Variants in PTPRD observed in about 807,000 individuals in gnomAD.
The protein encoded by PTPRD is receptor-type tyrosine-protein phosphatase delta.
A neutral mutation model predicts 214.5 loss-of-function variants in PTPRD; 34 were observed. The ratio of observed to expected loss-of-function variants is 0.16; its 90% CI spans 0.12 to 0.21. The LOEUF (loss-of-function observed/expected upper bound fraction) is 0.21, where lower values mean the gene tolerates loss of function less well. Among genes scored for constraint, PTPRD ranks in the 10% least tolerant of loss-of-function variants. The pLI, the probability that PTPRD is intolerant of heterozygous loss-of-function variation, is 1.00. For missense variants in PTPRD, 2,545 were observed against 2,398.7 expected (o/e 1.06, Z -1.27); for synonymous variants, 1,128 against 845.7 (o/e 1.33, Z -5.79).
At chr9:9,789,008 A>G (rs540084298) in intron 5 of PTPRD, among the ~76,000 whole-genome samples, 3 of 152,270 alleles carry the variant, frequency 2.0e-5, no homozygotes, top group South Asian at 2.1e-4. Flanking sequence ...GTTTATGTCT[A>G]TATTTCATCA....
At chr9:9,478,378 A>C (rs1384900497) in intron 8 of PTPRD, among the ~76,000 whole-genome samples, 1 of 152,238 alleles carries the variant, frequency 6.6e-6, no homozygotes, top group Non-Finnish European at 1.5e-5. Context: ...ATAGCTGAAT[A>C]ACAATAGTAA....
chr9:8,465,554 T>C lies in PTPRD; in HGVS notation c.3626A>G (p.Lys1209Arg). 2 of 1,612,652 alleles carry C rather than the reference T, an allele frequency of 1.2e-6. No homozygotes were observed. The highest frequency in any genetic ancestry group is 1.1e-5 in the South Asian group (1 of 91,036). ...LPTEFTLGDD[K>R]HYGGFTNKQL... ...CTTGTTTGTAAATCCACCATAATGCTTGTCATCCCCCAGGGTGAACTCAGT... is the reference window on the plus strand; with the variant it reads ...CTTGTTTGTAAATCCACCATAATGCCTGTCATCCCCCAGGGTGAACTCAGT... The change falls in exon 32 of 46, where the codon AAG (lysine) becomes AGG (arginine). Residue 1209 changes from lysine (K) to arginine (R), a missense_variant. Lys to Arg is a conservative substitution (Grantham distance 26). Coordinates refer to ENST00000381196, the MANE Select transcript of PTPRD (RefSeq NM_002839.4).
At chr9:8,997,654 G>T (rs376667399) in intron 11 of PTPRD, among the ~76,000 whole-genome samples, 3 of 152,030 alleles carry the variant, frequency 2.0e-5, no homozygotes, top group African/African-American at 7.2e-5. Flanking sequence ...GCCTCAAAGT[G>T]TTCAAGTGAA....
chr9:8,430,812 C>T (rs2094996250), intron 35 of PTPRD, among the ~76,000 whole-genome samples: 1 of 152,046 alleles, frequency 6.6e-6, no homozygotes, highest in South Asian at 2.1e-4. Context: ...CTAAGAGTGC[C>T]ATCTTCTCTT....
At chr9:9,048,140 G>T (rs1174137499) in intron 10 of PTPRD, among the ~76,000 whole-genome samples, 1 of 152,094 alleles carries the variant, frequency 6.6e-6, no homozygotes, top group Admixed American at 6.6e-5. Context: ...ATATCCAAAA[G>T]ACAGGCAATA....
At chr9:9,069,321 G>A (rs1430764611) in intron 10 of PTPRD, among the ~76,000 whole-genome samples, 4 of 152,112 alleles carry the variant, frequency 2.6e-5, no homozygotes, top group African/African-American at 9.7e-5. Flanking sequence ...GTATAAAGAA[G>A]AAAATAAAAT....
intron 5 of PTPRD, among the ~76,000 whole-genome samples, chr9:9,818,839 C>T (rs1025529199): frequency 7.0e-6 from 1 of 142,642 alleles, no homozygotes; most frequent in African/African-American, 2.7e-5. Flanking sequence ...TTGCTTGAAA[C>T]TGGGAGGTAG....
intron 12 of PTPRD, among the ~76,000 whole-genome samples, chr9:8,651,577 G>T (rs2096809962): frequency 1.3e-5 from 2 of 152,140 alleles, no homozygotes; most frequent in South Asian, 4.1e-4. Context: ...TTCCTTCCCA[G>T]CTACATCTCT....
At chr9:9,493,731 T>C (rs1198018296) in intron 8 of PTPRD, among the ~76,000 whole-genome samples, 1 of 131,542 alleles carries the variant, frequency 7.6e-6, no homozygotes, top group African/African-American at 3.0e-5. Context: ...GAGCTTGCAG[T>C]GAGCCGAGAT....
Position 8,319,860 on chromosome 9 carries a change from T to C in PTPRD, c.5641A>G (p.Thr1881Ala), listed in dbSNP as rs2130703602. The C allele has an allele frequency of 6.2e-7, 1 of 1,613,102 alleles. No individual in the cohort carries two copies. Among genetic ancestry groups the C allele is most frequent in the Non-Finnish European group, 8.5e-7 (1 of 1,179,414 alleles). ...GTCTGTACCATAGCTGGTCGTTGTGTTCTTAACATTTTGACAGTCTGGAAG... is the reference window on the plus strand; with the variant it reads ...GTCTGTACCATAGCTGGTCGTTGTGCTCTTAACATTTTGACAGTCTGGAAG... The part of the protein sequence containing the change: ...DIFQTVKMLR[T>A]QRPAMVQTED... The change falls in exon 45 of 46, where the codon ACA (threonine) becomes GCA (alanine). Residue 1881 changes from threonine to alanine, a missense_variant. By Grantham distance (58) the Thr-to-Ala change is moderately conservative. Transcript: ENST00000381196.
chr9:9,390,210 G>A (rs2065320357), intron 9 of PTPRD, among the ~76,000 whole-genome samples: 2 of 152,092 alleles, frequency 1.3e-5, no homozygotes, highest in African/African-American at 4.8e-5. Flanking sequence ...GAAGATGGAG[G>A]TGGGAAACCA....
chr9:10,442,790 T>C (rs570150919), intron 2 of PTPRD, among the ~76,000 whole-genome samples: 11 of 151,570 alleles, frequency 7.3e-5, no homozygotes, highest in Non-Finnish European at 4.4e-5. Flanking sequence ...TTAAAACTGG[T>C]AGTATTATGG....
chr9:8,399,339 A>T (rs896064201), intron 36 of PTPRD, among the ~76,000 whole-genome samples: 14 of 152,248 alleles, frequency 9.2e-5, no homozygotes, highest in African/African-American at 3.4e-4. Context: ...AACTTTCTGA[A>T]ATTAGTGTAC....
At chr9:9,264,971 A>G (rs1938521007) in intron 9 of PTPRD, among the ~76,000 whole-genome samples, 1 of 151,534 alleles carries the variant, frequency 6.6e-6, no homozygotes, top group East Asian at 2.0e-4. Flanking sequence ...GAAAAGATAG[A>G]GTTTCACAGA....
intron 2 of PTPRD, among the ~76,000 whole-genome samples, chr9:10,531,665 A>G (rs536530534): frequency 5.1e-4 from 78 of 152,280 alleles, no homozygotes; most frequent in South Asian, 2.3e-3. Flanking sequence ...GGCTGGCTTT[A>G]AGGTGTATGC....
At chr9:8,349,687 C>A (rs552327595) in intron 39 of PTPRD, among the ~76,000 whole-genome samples, 1 of 152,206 alleles carries the variant, frequency 6.6e-6, no homozygotes, top group Non-Finnish European at 1.5e-5. Flanking sequence ...AGTGCATAAC[C>A]CTGTGCTTCA....
chr9:10,296,213 A>G lies in PTPRD; in HGVS notation c.-545+44750T>C, dbSNP rs912980718. Among the ~76,000 whole-genome samples, 6 of 152,058 alleles carry G rather than the reference A, an allele frequency of 3.9e-5. No individual in the cohort carries two copies. The East Asian group carries it at 9.6e-4, about 24-fold the overall frequency. On this transcript the variant is annotated intron_variant, in intron 3 of 45. Coordinates refer to ENST00000381196, the MANE Select transcript of PTPRD (RefSeq NM_002839.4). ...GTAAAAATAACGTCTGGATTCTTTA[A>G]ATTTCTATTTACTGCATTAAGTAAT...
intron 10 of PTPRD, among the ~76,000 whole-genome samples, chr9:9,088,447 G>A (rs566092240): frequency 4.0e-5 from 6 of 151,404 alleles, no homozygotes; most frequent in Admixed American, 2.0e-4. Context: ...GGGCATGGTG[G>A]CAGGCACCTA....
chr9:10,350,282 T>C (rs911191067), intron 2 of PTPRD, among the ~76,000 whole-genome samples: 1 of 152,162 alleles, frequency 6.6e-6, no homozygotes, highest in Non-Finnish European at 1.5e-5. Context: ...AAGGGAACTA[T>C]AAGAAGAAAC....
Sources: allele counts gnomAD v4.1 joint callset (sites outside exome capture counted in the v4.1 genomes callset), GRCh38; gene constraint gnomAD v4.1.1; transcripts MANE v1.5; gene names NCBI Gene and HGNC (gene_info 2026-07-23, HGNC 2026-07-21).